Variants in TSPEAR observed in about 807,000 individuals in gnomAD.
The protein encoded by TSPEAR is thrombospondin type laminin G domain and EAR repeats, also known as thrombospondin-type laminin G domain and EAR repeat-containing protein.
TSPEAR carries 69 observed loss-of-function variants against 71.6 expected under a neutral mutation model. The observed-to-expected ratio is 0.96, with a 90% confidence interval of 0.79 to 1.18. The LOEUF (loss-of-function observed/expected upper bound fraction) is 1.18. Among genes scored for constraint, TSPEAR ranks in the 50% most tolerant of loss-of-function variants. TSPEAR has a pLI of 0.00. For synonymous variants in TSPEAR, 402 were observed against 387.2 expected, an observed-to-expected ratio of 1.04 and a Z score of -0.45; for missense variants, 971 against 894.9, an observed-to-expected ratio of 1.09 and a Z score of -1.09.
chr21:44,499,917 A>G lies in TSPEAR; in HGVS notation c.1876T>C (p.Phe626Leu). ...IIYRWQGYEG[F>L]VAVHSLPTVG... is the part of the protein sequence containing the mutation. ...GTGGGGAGGCTGTGCACCGCCACGAAGCCCTCGTAGCCCTGCCACCTGCGG... is the reference window on the plus strand; with the variant it reads ...GTGGGGAGGCTGTGCACCGCCACGAGGCCCTCGTAGCCCTGCCACCTGCGG... The change falls in exon 12 of 12, where the codon TTC becomes CTC. Residue 626 changes from phenylalanine to leucine, a missense_variant. Phe to Leu is a conservative substitution (Grantham distance 22, BLOSUM62 0). Coordinates refer to ENST00000323084, the MANE Select transcript of TSPEAR (RefSeq NM_144991.3). 6.2e-7 allele frequency: 1 copy of G among 1,606,780 alleles called. No homozygotes were observed. Among genetic ancestry groups the G allele is most frequent in the Non-Finnish European group, 8.5e-7 (1 of 1,177,852 alleles).
intron 2 of TSPEAR, among the ~76,000 whole-genome samples, chr21:44,536,464 G>T (rs1474344551): frequency 1.3e-5 from 2 of 152,142 alleles, no homozygotes; most frequent in African/African-American, 4.8e-5. Context: ...ATGTCTCTAG[G>T]ATCCACTCCT....
chr21:44,639,216 GTC>G (rs75258784), intron 1 of TSPEAR, among the ~76,000 whole-genome samples: 1,813 of 152,198 alleles, frequency 0.012, 15 homozygotes, highest in South Asian at 0.022. Context: ...AGCCTCCCAG[GTC>G]TCTCCCAAAT....
intron 1 of TSPEAR, among the ~76,000 whole-genome samples, chr21:44,584,656 G>A (rs942616877): frequency 6.6e-6 from 1 of 152,024 alleles, no homozygotes; most frequent in Non-Finnish European, 1.5e-5. Flanking sequence ...TGGCATCAGG[G>A]TCTCACCAGT....
intron 1 of TSPEAR, among the ~76,000 whole-genome samples, chr21:44,669,244 G>A (rs1160008708): frequency 6.6e-6 from 1 of 152,078 alleles, no homozygotes. Context: ...CTAACATGGT[G>A]CAACCCCGCC....
At chr21:44,664,247 A>G (rs1215147882) in intron 1 of TSPEAR, among the ~76,000 whole-genome samples, 2 of 152,178 alleles carry the variant, frequency 1.3e-5, no homozygotes, top group Admixed American at 6.5e-5. Flanking sequence ...AAGGTCAAAG[A>G]AAAAATGCCA....
At chr21:44,605,750 T>C (rs2049624060) in intron 1 of TSPEAR, among the ~76,000 whole-genome samples, 1 of 152,198 alleles carries the variant, frequency 6.6e-6, no homozygotes, top group Admixed American at 6.5e-5. Flanking sequence ...AATATCCATG[T>C]GCAGAAAACT....
chr21:44,603,326 A>C (rs908452938), intron 1 of TSPEAR, among the ~76,000 whole-genome samples: 17 of 152,218 alleles, frequency 1.1e-4, no homozygotes, highest in African/African-American at 4.1e-4. Context: ...CTAAGTCAGC[A>C]TCCCAGGCTT....
intron 1 of TSPEAR, among the ~76,000 whole-genome samples, chr21:44,569,624 G>A (rs191264873): frequency 6.6e-6 from 1 of 152,274 alleles, no homozygotes; most frequent in Non-Finnish European, 1.5e-5. Context: ...CTTTAGGACA[G>A]GAGAATGTAT....
At chr21:44,569,606 G>A (rs587746720) in intron 1 of TSPEAR, among the ~76,000 whole-genome samples, 2 of 152,194 alleles carry the variant, frequency 1.3e-5, no homozygotes, top group East Asian at 1.9e-4. Context: ...TGAAGAAAGT[G>A]TGGCCTGCTT....
intron 1 of TSPEAR, among the ~76,000 whole-genome samples, chr21:44,611,057 G>C (rs1555930753): frequency 6.6e-6 from 1 of 152,212 alleles, no homozygotes; most frequent in Non-Finnish European, 1.5e-5. Context: ...ATAGGTGGAA[G>C]AGACTTGTCT....
Position 44,525,662 on chromosome 21 carries a change from G to C in TSPEAR, c.1327C>G (p.His443Asp). 6.2e-7 allele frequency: 1 copy of C among 1,614,104 alleles called. No homozygotes were observed. Among genetic ancestry groups the C allele is most frequent in the Non-Finnish European group, 8.5e-7 (1 of 1,179,998 alleles). The change falls in exon 8 of 12, where the codon CAC (histidine) becomes GAC (aspartate). Residue 443 changes from histidine (H) to aspartate (D), a missense_variant. His to Asp is a moderately conservative substitution (Grantham distance 81). Transcript: ENST00000323084. The part of the protein sequence containing the change: ...DGEHFLAVAN[H>D]REGDNHNIDS... ...GCCACTCCTGCCCTACCTTCCCGGT[G>C]GTTGGCCACCGCCAGGAAGTGCTCC...
Position 44,525,463 on chromosome 21 carries a change from G to A in TSPEAR, c.1336+190C>T, listed in dbSNP as rs146784380. On this transcript the variant is annotated intron_variant, in intron 8 of 11. Transcript: ENST00000323084. ...CATGTTTCTGGGGTGGCTGTGCTGT[G>A]GGCAGGTGCCCCAGGGACCACCAGT... is the stretch of plus-strand genomic sequence containing the variant. Among the ~76,000 whole-genome samples the A allele has an allele frequency of 8.7e-3, 1,328 of 152,302 alleles. 5 individuals are homozygous for A. The highest frequency in any genetic ancestry group is 0.014 in the Non-Finnish European group (937 of 68,008).
chr21:44,708,007 GCACACACACACACACACACACA>G (rs58196199), intron 1 of TSPEAR, among the ~76,000 whole-genome samples: 2 of 122,330 alleles, frequency 1.6e-5, no homozygotes, highest in South Asian at 5.7e-4. Context: ...CCCCGCGCGT[GCACACACACACACACACACACA>G]CACACACACA....
At chr21:44,691,677 G>T (rs1461532795) in intron 1 of TSPEAR, among the ~76,000 whole-genome samples, 3 of 152,118 alleles carry the variant, frequency 2.0e-5, no homozygotes, top group African/African-American at 7.2e-5. Context: ...TAGTCAGAAG[G>T]TCAATAGGAA....
At chr21:44,514,837 A>C (rs1236754110) in intron 9 of TSPEAR, among the ~76,000 whole-genome samples, 3 of 152,162 alleles carry the variant, frequency 2.0e-5, no homozygotes. Flanking sequence ...TGGGACATCA[A>C]ACCACCTTCC....
intron 9 of TSPEAR, among the ~76,000 whole-genome samples, chr21:44,514,396 ATG>A (rs2052492854): frequency 6.6e-6 from 1 of 152,114 alleles, no homozygotes; most frequent in African/African-American, 2.4e-5. Flanking sequence ...GTGCATGTAC[ATG>A]TGTGTTGAGC....
At position 44,687,544 on chromosome 21, in the gene TSPEAR, T is replaced by C. The variant is rs565639207; in HGVS notation, c.82+23889A>G. On this transcript the variant is annotated intron_variant, in intron 1 of 11. Transcript: ENST00000323084. This position sits in a 1 kb window ranked among gnomAD's most constrained non-coding sequence, Gnocchi z 4.4. ...GAGGCCGGCACCAGAGGACTTGCTG[T>C]ATGACTCCATCTGAATGAGTTCTAA... Among the ~76,000 whole-genome samples, 240 of 152,266 alleles carry C rather than the reference T, an allele frequency of 1.6e-3. 2 individuals are homozygous for C. Among genetic ancestry groups the C allele is most frequent in the African/African-American group, 5.7e-3 (236 of 41,554 alleles).
chr21:44,602,440 T>C (rs1174309715), intron 1 of TSPEAR, among the ~76,000 whole-genome samples: 1 of 152,160 alleles, frequency 6.6e-6, no homozygotes, highest in Non-Finnish European at 1.5e-5. Flanking sequence ...AGCCCCTGGC[T>C]CCAGAAAGGA....
intron 2 of TSPEAR, among the ~76,000 whole-genome samples, chr21:44,562,582 C>A (rs1011103609): frequency 6.6e-6 from 1 of 152,044 alleles, no homozygotes; most frequent in Non-Finnish European, 1.5e-5. Context: ...AGTAAAAATA[C>A]TGAAAGTCAA....
Sources: allele counts gnomAD v4.1 joint callset (sites outside exome capture counted in the v4.1 genomes callset), GRCh38; gene constraint gnomAD v4.1.1; non-coding constraint Gnocchi (gnomAD v3.1); transcripts MANE v1.5; gene names NCBI Gene and HGNC (gene_info 2026-07-23, HGNC 2026-07-21).